The following MTBP variants were observed in gnomAD, a reference collection of about 807,000 sequenced individuals.
MTBP encodes the protein MDM2 binding protein.
MTBP carries 101 observed loss-of-function variants against 117.0 expected under a neutral mutation model. The ratio of observed to expected loss-of-function variants is 0.86; its 90% CI spans 0.73 to 1.02. The LOEUF is 1.02. Ranked by LOEUF, MTBP falls within the 50% of genes least tolerant of loss-of-function variation. The probability of loss-of-function intolerance (pLI) is 0.00; values close to 1 mark genes in which losing one functional copy is unlikely to be tolerated. For synonymous variants in MTBP, 350 were observed against 351.5 expected (o/e 1.00, Z 0.05); for missense variants, 970 against 1,030.9 (o/e 0.94, Z 0.81).
chr8:120,469,095 G>A (rs1813761929), intron 10 of MTBP, among the ~76,000 whole-genome samples: 1 of 152,042 alleles, frequency 6.6e-6, no homozygotes, highest in African/African-American at 2.4e-5. Flanking sequence ...GCCCAGGCTG[G>A]AGTGCAGTGG....
At chr8:120,493,772 T>C (rs1814397931) in intron 13 of MTBP, among the ~76,000 whole-genome samples, 2 of 152,000 alleles carry the variant, frequency 1.3e-5, no homozygotes, top group Admixed American at 1.3e-4. Context: ...ATTACAGGAG[T>C]GAGCCAACAC....
intron 20 of MTBP, among the ~76,000 whole-genome samples, chr8:120,519,875 C>T (rs985844898): frequency 3.3e-5 from 5 of 152,114 alleles, no homozygotes; most frequent in Non-Finnish European, 5.9e-5. Flanking sequence ...TTTGCATGCT[C>T]TTCTCCCCAA....
intron 8 of MTBP, 114 bp from the exon 9 acceptor site, chr8:120,461,047 T>A: frequency 4.5e-6 from 3 of 664,564 alleles, no homozygotes; most frequent in Non-Finnish European, 7.7e-6. Context: ...GCATGCTTAA[T>A]GTGTAAAAAG....
intron 10 of MTBP, among the ~76,000 whole-genome samples, chr8:120,468,205 A>G (rs536209075): frequency 6.6e-6 from 1 of 152,082 alleles, no homozygotes; most frequent in Non-Finnish European, 1.5e-5. Flanking sequence ...TTTGACTTTA[A>G]AAAGATTATG....
chr8:120,505,860 T>C (rs554007084), intron 15 of MTBP, among the ~76,000 whole-genome samples: 1 of 152,124 alleles, frequency 6.6e-6, no homozygotes, highest in African/African-American at 2.4e-5. Context: ...TATAGGGTCA[T>C]AGAGTAGAAA....
chr8:120,504,540 C>T (rs1011015424), intron 15 of MTBP, among the ~76,000 whole-genome samples: 1 of 151,874 alleles, frequency 6.6e-6, no homozygotes, highest in Non-Finnish European at 1.5e-5. Context: ...ATTTTTGTTC[C>T]TCAATAAGTA....
At chr8:120,445,923 G>A (rs7812590) in intron 1 of MTBP, among the ~76,000 whole-genome samples, 133,019 of 152,200 alleles carry the variant, frequency 0.87, 58,300 homozygotes, top group Non-Finnish European at 0.91. Context: ...CAAATAATAC[G>A]GAAAGGAGCA....
chr8:120,453,132 C>G (rs1209410700), intron 4 of MTBP, among the ~76,000 whole-genome samples: 1 of 152,044 alleles, frequency 6.6e-6, no homozygotes, highest in Admixed American at 6.6e-5. Context: ...TTTTATTAAA[C>G]ACTTAGCATT....
rs551001509 is a variant in MTBP, at chr8:120,457,344, G to A, written c.747+674G>A. 6.8e-4 allele frequency among the ~76,000 whole-genome samples: 103 copies of A among 152,194 alleles called. 1 individual carries two copies. Among genetic ancestry groups the A allele is most frequent in the African/African-American group, 2.3e-3 (96 of 41,542 alleles). ...TGTTCATAGTAATTTATGTATTTTT[G>A]TAGATAGGCAAAACTAAACTAAGAA... On this transcript the variant is annotated intron_variant, in intron 7 of 21. Transcript: ENST00000305949.
chr8:120,522,695 A>G lies in MTBP; in HGVS notation c.2652A>G (p.Lys884=). 6.2e-7 allele frequency: 1 copy of G among 1,606,594 alleles called. No individual in the cohort carries two copies. The highest frequency in any genetic ancestry group is 8.5e-7 in the Non-Finnish European group (1 of 1,175,098). Residue 884 remains lysine, a synonymous_variant, in exon 21 of 22, where the codon AAA becomes AAG. Coordinates refer to ENST00000305949, the MANE Select transcript of MTBP (RefSeq NM_022045.5). The stretch of plus-strand genomic sequence containing the variant: ...GGGGTCTATTTGAAGAAATGAAGAA[A>G]ACAGCAAACAACAATGCTGTACAGG... ...TSRGLFEEMK[K]TANNNAVQVI...
At chr8:120,485,952 G>T (rs1310943992) in intron 11 of MTBP, among the ~76,000 whole-genome samples, 1 of 152,094 alleles carries the variant, frequency 6.6e-6, no homozygotes, top group Non-Finnish European at 1.5e-5. Context: ...TACCTTCTTT[G>T]TCTGCCTCAT....
At chr8:120,516,304 T>G in intron 18 of MTBP, 113 bp downstream of exon 18, 1 of 954,806 alleles carries the variant, frequency 1.0e-6, no homozygotes, top group East Asian at 2.7e-5. Context: ...GGCAAGAAGT[T>G]TGTTTTATGA....
At chr8:120,495,954 C>A (rs1411953346) in intron 13 of MTBP, among the ~76,000 whole-genome samples, 1 of 152,086 alleles carries the variant, frequency 6.6e-6, no homozygotes, top group African/African-American at 2.4e-5. Context: ...ATGAATAATA[C>A]CCACTTCTCC....
At chr8:120,507,424 A>G (rs1444126875) in intron 16 of MTBP, among the ~76,000 whole-genome samples, 4 of 152,152 alleles carry the variant, frequency 2.6e-5, no homozygotes, top group Non-Finnish European at 5.9e-5. Context: ...TAAATGCTGC[A>G]TGTTGCTGAC....
At chr8:120,461,740 A>G (rs1161266148) in intron 9 of MTBP, among the ~76,000 whole-genome samples, 1 of 152,130 alleles carries the variant, frequency 6.6e-6, no homozygotes, top group Non-Finnish European at 1.5e-5. Flanking sequence ...TATTTTTTAT[A>G]GTTTTAATGC....
At chr8:120,475,215 G>T (rs1813907743) in intron 11 of MTBP, among the ~76,000 whole-genome samples, 2 of 151,840 alleles carry the variant, frequency 1.3e-5, no homozygotes, top group African/African-American at 4.8e-5. Context: ...CCCATCTAAA[G>T]TTACAAACAG....
intron 6 of MTBP, 61 bp from the exon 7 acceptor site, chr8:120,456,492 A>AATG: frequency 2.8e-6 from 3 of 1,055,938 alleles, no homozygotes; most frequent in Non-Finnish European, 4.2e-6. Flanking sequence ...AGTTAACTAT[A>AATG]ATGATTAAAT....
In MTBP at chr8:120,461,272, A is replaced by G. The variant is rs140251539; in HGVS notation, c.977+17A>G. 3.1e-3 allele frequency: 4,734 copies of G among 1,503,380 alleles called. 47 individuals carry two copies. In the Middle Eastern group the frequency reaches 0.04, roughly 13 times the overall value. The allele number at this position is 1,503,380 out of a possible 1,614,324, so 93.1% of individuals were successfully genotyped here. On this transcript the variant is annotated intron_variant, in intron 9 of 21. Transcript: ENST00000305949. Reference sequence around the variant, plus strand: ...ATTTGAGTTGTATCCTTTCATTTACATGTTCATTTTAGATTACATTTTCTG... The same window carrying G: ...ATTTGAGTTGTATCCTTTCATTTACGTGTTCATTTTAGATTACATTTTCTG...
intron 10 of MTBP, among the ~76,000 whole-genome samples, chr8:120,466,709 C>G (rs1813701957): frequency 6.6e-6 from 1 of 151,704 alleles, no homozygotes; most frequent in South Asian, 2.1e-4. Flanking sequence ...CCCATCTCTA[C>G]TAAAAATACA....
Sources: gnomAD v4.1 joint callset for allele counts (sites outside exome capture counted in the v4.1 genomes callset) on GRCh38, gnomAD v4.1.1 for gene constraint, MANE v1.5 for transcripts, NCBI Gene and HGNC (gene_info 2026-07-23, HGNC 2026-07-21) for gene names.